Variants in TSPEAR observed in about 807,000 individuals in gnomAD.
TSPEAR encodes the protein thrombospondin-type laminin G domain and EAR repeat-containing protein.
TSPEAR carries 69 observed loss-of-function variants against 71.6 expected under a neutral mutation model. The observed-to-expected ratio is 0.96, with a 90% CI of 0.79 to 1.18. TSPEAR has a LOEUF of 1.18. Among genes scored for constraint, TSPEAR ranks in the 50% most tolerant of loss-of-function variants. The pLI is 0.00. For missense variants in TSPEAR, 971 were observed against 894.9 expected (o/e 1.09, Z -1.09); for synonymous variants, 402 against 387.2 (o/e 1.04, Z -0.45).
intron 1 of TSPEAR, among the ~76,000 whole-genome samples, chr21:44,709,116 C>A (rs1024447559): frequency 6.6e-6 from 1 of 152,194 alleles, no homozygotes; most frequent in Admixed American, 6.5e-5. Context: ...CCCACCCAGC[C>A]CCCCAGAGCC....
At chr21:44,502,989 G>C (rs1403593265) in intron 11 of TSPEAR, among the ~76,000 whole-genome samples, 1 of 65,154 alleles carries the variant, frequency 1.5e-5, no homozygotes, top group African/African-American at 4.4e-5. Context: ...AGCCCACAGT[G>C]GGGAAGCAAG....
At chr21:44,662,125 T>TA (rs1312453442) in intron 1 of TSPEAR, among the ~76,000 whole-genome samples, 1 of 152,166 alleles carries the variant, frequency 6.6e-6, no homozygotes, top group African/African-American at 2.4e-5. Flanking sequence ...AATATTAAAT[T>TA]AAATGCAAAT....
At chr21:44,629,047 G>T (rs1196548983) in intron 1 of TSPEAR, among the ~76,000 whole-genome samples, 1 of 152,128 alleles carries the variant, frequency 6.6e-6, no homozygotes, top group African/African-American at 2.4e-5. Flanking sequence ...AGGCCTCCTG[G>T]GGGTAGTTTC....
At chr21:44,634,643 T>C (rs1217520874) in intron 1 of TSPEAR, among the ~76,000 whole-genome samples, 3 of 152,056 alleles carry the variant, frequency 2.0e-5, no homozygotes, top group African/African-American at 4.8e-5. Context: ...CAACAAAAAG[T>C]CAACCCAATT....
At chr21:44,551,027 G>T in intron 2 of TSPEAR, 1 of 1,611,724 alleles carries the variant, frequency 6.2e-7, no homozygotes, top group Non-Finnish European at 8.5e-7. Context: ...CTTTGCAGCA[G>T]ACAGGCACAC....
rs1400124502 is a variant in TSPEAR at position 44,612,923 on chromosome 21, C to T, written c.83-44918G>A. The T allele has an allele frequency of 4.1e-5, 65 of 1,600,562 alleles. No homozygotes were observed. Among genetic ancestry groups the T allele is most frequent in the Non-Finnish European group, 5.4e-5 (63 of 1,175,340 alleles). On this transcript the variant is annotated intron_variant, in intron 1 of 11. Transcript: ENST00000323084. This position sits in a 1 kb window ranked among gnomAD's most constrained non-coding sequence, Gnocchi z 4.1. Reference sequence around the variant, plus strand: ...GGAGTCCAGCTGCTGATGGGCACGTCCCCCAGGGCCAGCCGGCTCCGGTCC... The same window carrying T: ...GGAGTCCAGCTGCTGATGGGCACGTTCCCCAGGGCCAGCCGGCTCCGGTCC...
chr21:44,650,818 C>T (rs1387591246), intron 1 of TSPEAR, among the ~76,000 whole-genome samples: 1 of 152,200 alleles, frequency 6.6e-6, no homozygotes, highest in Non-Finnish European at 1.5e-5. Context: ...GGGCCTGTGA[C>T]CTCCTACAGG....
chr21:44,675,086 T>C (rs946699390), intron 1 of TSPEAR, among the ~76,000 whole-genome samples: 1 of 151,924 alleles, frequency 6.6e-6, no homozygotes, highest in African/African-American at 2.4e-5. Flanking sequence ...GAGGCCAGAA[T>C]TACCTTGATA....
intron 1 of TSPEAR, chr21:44,697,833 T>A: frequency 6.2e-7 from 1 of 1,613,270 alleles, no homozygotes; most frequent in Non-Finnish European, 8.5e-7. Context: ...CGCGTGCCCG[T>A]CCCCTCCTGC....
At chr21:44,646,838 G>A (rs1282405922) in intron 1 of TSPEAR, 1 of 1,575,574 alleles carries the variant, frequency 6.3e-7, no homozygotes, top group Admixed American at 1.8e-5. Context: ...TCTTCGTGCT[G>A]CCGGCAGTCT....
At chr21:44,649,314 G>C (rs1260963736) in intron 1 of TSPEAR, among the ~76,000 whole-genome samples, 1 of 152,212 alleles carries the variant, frequency 6.6e-6, no homozygotes, top group Non-Finnish European at 1.5e-5. Flanking sequence ...CTGTGGAGGA[G>C]GCCTTCTAAG....
chr21:44,640,305 G>A (rs9978560), intron 1 of TSPEAR, among the ~76,000 whole-genome samples: 31,045 of 152,202 alleles, frequency 0.2, 3,331 homozygotes, highest in African/African-American at 0.25. Flanking sequence ...GCCACATGTG[G>A]TGGGATTCTA....
chr21:44,594,127 C>T (rs1980195427), intron 1 of TSPEAR, among the ~76,000 whole-genome samples: 1 of 152,184 alleles, frequency 6.6e-6, no homozygotes, highest in African/African-American at 2.4e-5. Flanking sequence ...AAAACAGGCC[C>T]TGGCAAGTCC....
chr21:44,530,604 G>T (rs2052949384), intron 4 of TSPEAR, among the ~76,000 whole-genome samples: 1 of 152,236 alleles, frequency 6.6e-6, no homozygotes, highest in Non-Finnish European at 1.5e-5. Flanking sequence ...CAGAGCATCT[G>T]CTATGTGCCA....
chr21:44,560,163 A>G (rs1054614395), intron 2 of TSPEAR, among the ~76,000 whole-genome samples: 1 of 152,172 alleles, frequency 6.6e-6, no homozygotes, highest in South Asian at 2.1e-4. Flanking sequence ...ATGGAAAGCA[A>G]CGTAAGCAGG....
At chr21:44,550,516 C>A in intron 2 of TSPEAR, 1 of 1,000,576 alleles carries the variant, frequency 1.0e-6, no homozygotes, top group Non-Finnish European at 1.5e-6. Flanking sequence ...AGGGCTCGCC[C>A]GCCCGGCGGG....
intron 1 of TSPEAR, among the ~76,000 whole-genome samples, chr21:44,653,841 G>A (rs1984956722): frequency 6.6e-6 from 1 of 152,186 alleles, no homozygotes; most frequent in Non-Finnish European, 1.5e-5. Flanking sequence ...AGCCCGAGAG[G>A]GTGCTGTTGA....
intron 8 of TSPEAR, 41 bp from the exon 9 acceptor site, chr21:44,522,153 C>T (rs2052748239): frequency 2.5e-6 from 4 of 1,585,598 alleles, no homozygotes; most frequent in Non-Finnish European, 3.5e-6. Context: ...GAGGCAGATT[C>T]CACAGCCCCA....
intron 1 of TSPEAR, among the ~76,000 whole-genome samples, chr21:44,675,594 G>A (rs1986272969): frequency 6.6e-6 from 1 of 151,892 alleles, no homozygotes; most frequent in African/African-American, 2.4e-5. Context: ...CAGTAGTAGA[G>A]ATCACAAACA....
Sources: allele counts gnomAD v4.1 joint callset (sites outside exome capture counted in the v4.1 genomes callset), GRCh38; gene constraint gnomAD v4.1.1; non-coding constraint Gnocchi (gnomAD v3.1); transcripts MANE v1.5; gene names NCBI Gene and HGNC (gene_info 2026-07-23, HGNC 2026-07-21).